SLC29A1: variants seen among roughly 807,000 people sequenced by gnomAD.
SLC29A1 encodes solute carrier family 29 member 1 (Augustine blood group), also known as equilibrative nucleoside transporter 1.
In SLC29A1, 22 loss-of-function variants were observed where a neutral mutation model predicts 48.3. The observed-to-expected ratio is 0.46, with a 90% CI of 0.33 to 0.65. The LOEUF is 0.65. Ranked by LOEUF, SLC29A1 falls within the 30% of genes least tolerant of loss-of-function variation. The pLI, the probability that SLC29A1 is intolerant of heterozygous loss-of-function variation, is 0.03. For synonymous variants in SLC29A1, 228 were observed against 231.0 expected (o/e 0.99, Z 0.12); for missense variants, 491 against 575.3 (o/e 0.85, Z 1.50).
At chr6:44,231,611 G>C (rs1255453281) in intron 9 of SLC29A1, 150 bp downstream of exon 9, 2 of 631,508 alleles carry the variant, frequency 3.2e-6, no homozygotes, top group Middle Eastern at 3.3e-4. Context: ...CCATGCGTGC[G>C]TGCCGGGGGT....
At position 44,233,592 on chromosome 6, in the gene SLC29A1, CA is replaced by C; in HGVS notation, c.*65del. 7.6e-7 allele frequency: 1 copy of C among 1,324,214 alleles called. No homozygotes were observed. Among genetic ancestry groups the C allele is most frequent in the Non-Finnish European group, 1.1e-6 (1 of 917,070 alleles). 82.0% of individuals were successfully genotyped at this position (1,324,214 alleles called of 1,614,324 possible). A position where few individuals can be genotyped will look rare whatever the true frequency, so the allele number is the denominator to read the frequency against. On this transcript the variant is annotated 3_prime_UTR_variant, in exon 13 of 13. Coordinates refer to ENST00000371755, the MANE Select transcript of SLC29A1 (RefSeq NM_001372327.1). ...TCTGCCTCCTGCCCCTTCCTTCTGC[CA>C]GGGGTGATCCTGAGTGGTCTGGCGG... is the stretch of plus-strand genomic sequence containing the variant.
chr6:44,221,076 G>T (rs1582919053), upstream of SLC29A1, among the ~76,000 whole-genome samples: 1 of 151,972 alleles, frequency 6.6e-6, no homozygotes, highest in South Asian at 2.1e-4. This position sits in a 1 kb window ranked among gnomAD's most constrained non-coding sequence, Gnocchi z 4.2. Flanking sequence ...TAGAGATGGG[G>T]TCTCACTGTG....
In SLC29A1 at chr6:44,229,886, A is replaced by T; in HGVS notation, c.315-21A>T. 6.2e-7 allele frequency: 1 copy of T among 1,610,202 alleles called. No homozygotes were observed. The highest frequency in any genetic ancestry group is 8.5e-7 in the Non-Finnish European group (1 of 1,179,434). On this transcript the variant is annotated intron_variant, in intron 4 of 12. Coordinates refer to ENST00000371755, the MANE Select transcript of SLC29A1 (RefSeq NM_001372327.1). The surrounding 1 kb of genome is among the most constrained non-coding windows in gnomAD (Gnocchi z 5.1). ...CCAGCTTTGCCCACTTGTCTCTGCC[A>T]CCCTTGGCCTCTCCCGGCAGGATCC...
intron 1 of SLC29A1, among the ~76,000 whole-genome samples, chr6:44,224,345 A>G (rs1303830278): frequency 6.7e-6 from 1 of 150,328 alleles, no homozygotes; most frequent in Non-Finnish European, 1.5e-5. Context: ...CTGCTTGTGT[A>G]AGCTCCCCAT....
chr6:44,229,578 A>C lies in SLC29A1; in HGVS notation c.112-11A>C. ...AAGAGATTTCAACACTCCTCTCTGC[A>C]ACCCCTGCAGTATTTCACAAACCGC... On this transcript the variant is annotated splice_polypyrimidine_tract_variant and intron_variant, in intron 3 of 12. Coordinates refer to ENST00000371755, the MANE Select transcript of SLC29A1 (RefSeq NM_001372327.1). This position sits in a 1 kb window ranked among gnomAD's most constrained non-coding sequence, Gnocchi z 5.1. 6.2e-7 allele frequency: 1 copy of C among 1,613,918 alleles called. No individual in the cohort carries two copies. Among genetic ancestry groups the C allele is most frequent in the South Asian group, 1.1e-5 (1 of 91,086 alleles).
chr6:44,223,536 G>A (rs1307475571), upstream of SLC29A1: 2 of 1,169,260 alleles, frequency 1.7e-6, no homozygotes, highest in Non-Finnish European at 2.2e-6. This position sits in a 1 kb window ranked among gnomAD's most constrained non-coding sequence, Gnocchi z 5.0. Flanking sequence ...TGGGCGCAGG[G>A]CGGGGCGAGC....
chr6:44,225,887 T>C (rs1777416229), intron 1 of SLC29A1: 1 of 152,364 alleles, frequency 6.6e-6, no homozygotes, highest in South Asian at 2.1e-4. Flanking sequence ...AGAGCTCCCC[T>C]GCTGAGACTC....
upstream of SLC29A1, among the ~76,000 whole-genome samples, chr6:44,222,833 C>T (rs559927015): frequency 6.6e-6 from 1 of 152,256 alleles, no homozygotes; most frequent in African/African-American, 2.4e-5. Context: ...TCTTCCCATT[C>T]CCACCTGTGC....
Position 44,231,455 on chromosome 6 carries a change from G to A in SLC29A1, c.858G>A (p.Leu286=). 1.3e-6 allele frequency: 2 copies of A among 1,599,178 alleles called. No homozygotes were observed. The highest frequency in any genetic ancestry group is 1.7e-6 in the Non-Finnish European group (2 of 1,169,148). The change falls in exon 9 of 13, where the codon CTG becomes CTA. Residue 286 remains leucine, a synonymous_variant. Coordinates refer to ENST00000371755, the MANE Select transcript of SLC29A1 (RefSeq NM_001372327.1). ...TNESHSIKAI[L]KNISVLAFSV... is the part of the protein sequence containing the mutation. ...AAAGCCACTCTATCAAAGCCATCCTGAAAAATGTACGTAGGGGAGGTTATC... is the reference window on the plus strand; with the variant it reads ...AAAGCCACTCTATCAAAGCCATCCTAAAAAATGTACGTAGGGGAGGTTATC...
In SLC29A1 at chr6:44,229,693, G is replaced by A. The variant is rs1778394858; in HGVS notation, c.216G>A (p.Glu72=). 6.2e-7 allele frequency: 1 copy of A among 1,614,064 alleles called. No homozygotes were observed. Among genetic ancestry groups the A allele is most frequent in the Non-Finnish European group, 8.5e-7 (1 of 1,180,036 alleles). Residue 72 remains glutamate, a synonymous_variant, in exon 4 of 13, where the codon GAG becomes GAA. Transcript: ENST00000371755. The surrounding 1 kb of genome is among the most constrained non-coding windows in gnomAD (Gnocchi z 5.1). ...ASAAPAAPLP[E]RNSLSAIFNN... is the part of the protein sequence containing the mutation. ...CCGCCCCTGCAGCACCCTTGCCTGA[G>A]CGGAACTCTCTCAGTGCCATCTTCA...
chr6:44,221,256 C>G (rs1243682794), upstream of SLC29A1, among the ~76,000 whole-genome samples: 1 of 152,160 alleles, frequency 6.6e-6, no homozygotes, highest in African/African-American at 2.4e-5. The surrounding 1 kb of genome is among the most constrained non-coding windows in gnomAD (Gnocchi z 4.2). Context: ...GCCTCACTGG[C>G]CTCTCCCTAG....
chr6:44,231,232 G>T (rs1342977462), intron 8 of SLC29A1, 132 bp from the exon 9 acceptor site: 2 of 672,994 alleles, frequency 3.0e-6, no homozygotes, highest in Non-Finnish European at 5.3e-6. Context: ...GTCTGGGTTA[G>T]GGTTAGAGTA....
chr6:44,229,277 C>T lies in SLC29A1; in HGVS notation c.30-113C>T. 2 of 825,606 alleles carry T rather than the reference C, an allele frequency of 2.4e-6. No homozygotes were observed. Among genetic ancestry groups the T allele is most frequent in the Non-Finnish European group, 4.3e-6 (2 of 466,828 alleles). 51.1% of individuals were successfully genotyped at this position (825,606 alleles called of 1,614,324 possible). Reference sequence around the variant, plus strand: ...TGCAAACGGACACAAACACAGACGCCCTGTGCCCTGGGACCTAGAGAGACT... The same window carrying T: ...TGCAAACGGACACAAACACAGACGCTCTGTGCCCTGGGACCTAGAGAGACT... On this transcript the variant is annotated intron_variant, in intron 2 of 12. Coordinates refer to ENST00000371755, the MANE Select transcript of SLC29A1 (RefSeq NM_001372327.1). This position sits in a 1 kb window ranked among gnomAD's most constrained non-coding sequence, Gnocchi z 5.1.
Position 44,229,442 on chromosome 6 carries a change from C to T in SLC29A1, c.82C>T (p.Pro28Ser), listed in dbSNP as rs777694484. ...FFMLGLGTLLPWNFFMTATQY... is the reference protein window; with the variant it reads ...FFMLGLGTLLSWNFFMTATQY... Reference sequence around the variant, plus strand: ...CATGCTGGGTCTGGGAACGCTGCTCCCGTGGAATTTTTTCATGACGGCCAC... The same window carrying T: ...CATGCTGGGTCTGGGAACGCTGCTCTCGTGGAATTTTTTCATGACGGCCAC... The change falls in exon 3 of 13, where the codon CCG becomes TCG. Residue 28 changes from proline to serine, a missense_variant. Physicochemically the swap from Pro to Ser is moderately conservative, Grantham distance 74 (BLOSUM62 -1). Coordinates refer to ENST00000371755, the MANE Select transcript of SLC29A1 (RefSeq NM_001372327.1). The surrounding 1 kb of genome is among the most constrained non-coding windows in gnomAD (Gnocchi z 5.1). 1.2e-6 allele frequency: 2 copies of T among 1,614,122 alleles called. No individual in the cohort carries two copies. The highest frequency in any genetic ancestry group is 2.2e-5 in the South Asian group (2 of 91,080).
upstream of SLC29A1, chr6:44,223,446 G>T (rs1258644878): frequency 1.3e-6 from 1 of 768,706 alleles, no homozygotes; most frequent in Admixed American, 6.3e-5. This position sits in a 1 kb window ranked among gnomAD's most constrained non-coding sequence, Gnocchi z 5.0. Flanking sequence ...CTCGGGGTGG[G>T]AGCGGCGGAG....
chr6:44,221,652 A>G (rs976270281), upstream of SLC29A1: 11 of 1,289,622 alleles, frequency 8.5e-6, no homozygotes, highest in Non-Finnish European at 1.0e-6. The surrounding 1 kb of genome is among the most constrained non-coding windows in gnomAD (Gnocchi z 4.2). Flanking sequence ...AGAGCTGGCA[A>G]GGCCTGGCTA....
Position 44,223,892 on chromosome 6 carries a change from A to C in SLC29A1, c.-52+251A>C. 1 of 995,584 alleles carries C rather than the reference A, an allele frequency of 1.0e-6. No individual in the cohort carries two copies. The highest frequency in any genetic ancestry group is 1.2e-6 in the Non-Finnish European group (1 of 836,674). The allele number at this position is 995,584 out of a possible 1,614,324, so 61.7% of individuals were successfully genotyped here. A position where few individuals can be genotyped will look rare whatever the true frequency, so the allele number is the denominator to read the frequency against. On this transcript the variant is annotated intron_variant, in intron 1 of 12. Coordinates refer to ENST00000371755, the MANE Select transcript of SLC29A1 (RefSeq NM_001372327.1). This position sits in a 1 kb window ranked among gnomAD's most constrained non-coding sequence, Gnocchi z 5.0. The stretch of plus-strand genomic sequence containing the variant: ...GCGGCCTGGCTCCCGGGCCTAAAAC[A>C]GGCTGCGGTCACGTTGACCTCCGCA...
chr6:44,222,088 G>A (rs533842819), upstream of SLC29A1, among the ~76,000 whole-genome samples: 1 of 152,320 alleles, frequency 6.6e-6, no homozygotes, highest in African/African-American at 2.4e-5. Context: ...CCAAGGCAGA[G>A]GGCAGAGGAG....
rs368183517 is a variant in SLC29A1 at position 44,230,472 on chromosome 6, G to T, written c.580G>T (p.Ala194Ser). The T allele has an allele frequency of 2.5e-6, 4 of 1,613,692 alleles. No homozygotes were observed. The highest frequency in any genetic ancestry group is 3.4e-6 in the Non-Finnish European group (4 of 1,179,948). The change falls in exon 6 of 13, where the codon GCT becomes TCT. Residue 194 changes from alanine to serine, a missense_variant. Coordinates refer to ENST00000371755, the MANE Select transcript of SLC29A1 (RefSeq NM_001372327.1). ...GFFASVAMIC[A>S]IASGSELSES... The stretch of plus-strand genomic sequence containing the variant: ...CTTTGCCTCCGTGGCCATGATCTGC[G>T]CTATTGCCAGTAAGTCCGGCTATCT...
Sources: gnomAD v4.1 joint callset for allele counts (sites outside exome capture counted in the v4.1 genomes callset) on GRCh38, gnomAD v4.1.1 for gene constraint, Gnocchi (gnomAD v3.1) non-coding constraint, MANE v1.5 for transcripts, NCBI Gene and HGNC (gene_info 2026-07-23, HGNC 2026-07-21) for gene names.